SSBP2: variants seen among roughly 807,000 people sequenced by gnomAD.
SSBP2 encodes the protein single-stranded DNA-binding protein 2.
Under a neutral mutation model 61.8 loss-of-function variants are expected in SSBP2, and 17 were observed. That is an observed-to-expected ratio of 0.28 (90% CI 0.19 to 0.41). The LOEUF (loss-of-function observed/expected upper bound fraction) is 0.41. SSBP2 is among the 10% of genes least tolerant of loss of function. The probability of loss-of-function intolerance (pLI) is 1.00; values close to 1 mark genes in which losing one functional copy is unlikely to be tolerated. For synonymous variants in SSBP2, 139 were observed against 141.3 expected (o/e 0.98, Z 0.12); for missense variants, 310 against 458.7 (o/e 0.68, Z 2.96).
chr5:81,548,665 G>A (rs559773713), intron 4 of SSBP2, among the ~76,000 whole-genome samples: 2 of 152,186 alleles, frequency 1.3e-5, no homozygotes, highest in Non-Finnish European at 2.9e-5. Context: ...GCTCACGCCT[G>A]TAATCCCAGC....
chr5:81,451,487 C>T (rs573796261), intron 10 of SSBP2, among the ~76,000 whole-genome samples: 82 of 152,168 alleles, frequency 5.4e-4, no homozygotes, highest in African/African-American at 1.5e-3. Context: ...AGTGCAGTGG[C>T]GTGATCTAGG....
chr5:81,452,320 C>A (rs1018578267), intron 10 of SSBP2, among the ~76,000 whole-genome samples: 1 of 152,074 alleles, frequency 6.6e-6, no homozygotes, highest in Non-Finnish European at 1.5e-5. Flanking sequence ...ACAGACAGAG[C>A]CTCACTTTTT....
Position 81,461,029 on chromosome 5 carries a change from T to G in SSBP2, c.687+26A>C, listed in dbSNP as rs754683672. 4.6e-5 allele frequency: 58 copies of G among 1,269,906 alleles called. No individual in the cohort carries two copies. In the East Asian group the frequency reaches 8.1e-4, roughly 18 times the overall value. The allele number at this position is 1,269,906 out of a possible 1,614,324, so 78.7% of individuals were successfully genotyped here. A position where few individuals can be genotyped will look rare whatever the true frequency, so the allele number is the denominator to read the frequency against. ...TTAAATGTTACAAAATGCAAAATAT[T>G]AAAAAAAATATATATATATACTCAC... On this transcript the variant is annotated intron_variant, in intron 10 of 16. Coordinates refer to ENST00000320672, the MANE Select transcript of SSBP2 (RefSeq NM_012446.5).
chr5:81,529,998 T>A (rs1476896538), intron 4 of SSBP2, among the ~76,000 whole-genome samples: 1 of 151,716 alleles, frequency 6.6e-6, no homozygotes, highest in East Asian at 1.9e-4. Context: ...GACTGCCAGG[T>A]TAGGAAGAAA....
intron 12 of SSBP2, among the ~76,000 whole-genome samples, chr5:81,445,390 C>T: frequency 6.6e-6 from 1 of 151,346 alleles, no homozygotes. Flanking sequence ...TACTTATTGC[C>T]TGCAATGTTC....
At chr5:81,433,005 G>C (rs1348281093) in intron 15 of SSBP2, among the ~76,000 whole-genome samples, 1 of 149,226 alleles carries the variant, frequency 6.7e-6, no homozygotes, top group Non-Finnish European at 1.5e-5. Context: ...ACTCCCGCCC[G>C]GCCAGCCGCC....
Position 81,418,625 on chromosome 5 carries a change from A to C in SSBP2, c.*1879T>G, listed in dbSNP as rs1026979792. 2.0e-5 allele frequency: 3 copies of C among 152,206 alleles called. No homozygotes were observed. The highest frequency in any genetic ancestry group is 7.2e-5 in the African/African-American group (3 of 41,446). 9.4% of individuals were successfully genotyped at this position (152,206 alleles called of 1,614,324 possible). On this transcript the variant is annotated 3_prime_UTR_variant, in exon 17 of 17. Coordinates refer to ENST00000320672, the MANE Select transcript of SSBP2 (RefSeq NM_012446.5). ...GTACTTACACAAACCTAGATGGTATAGGCTCCTACACACCTAGGCTATATA... is the reference window on the plus strand; with the variant it reads ...GTACTTACACAAACCTAGATGGTATCGGCTCCTACACACCTAGGCTATATA...
At chr5:81,436,113 G>A (rs538952951) in intron 15 of SSBP2, among the ~76,000 whole-genome samples, 53 of 149,720 alleles carry the variant, frequency 3.5e-4, no homozygotes, top group African/African-American at 7.4e-5. Context: ...GCTTGAACCC[G>A]GGAAGGGGAG....
chr5:81,501,659 T>G (rs1580852308), intron 5 of SSBP2, among the ~76,000 whole-genome samples: 1 of 149,258 alleles, frequency 6.7e-6, no homozygotes, highest in Non-Finnish European at 1.5e-5. Context: ...GCCTCTCGGG[T>G]TCACGCCATT....
chr5:81,550,154 G>A (rs1157281634), intron 4 of SSBP2, among the ~76,000 whole-genome samples: 2 of 152,150 alleles, frequency 1.3e-5, no homozygotes, highest in East Asian at 1.9e-4. Flanking sequence ...TGCTGTACAC[G>A]AACGTTAATA....
chr5:81,529,125 C>T (rs1423752994), intron 4 of SSBP2, among the ~76,000 whole-genome samples: 1 of 150,468 alleles, frequency 6.6e-6, no homozygotes, highest in African/African-American at 2.4e-5. Context: ...TTGGTAGTAC[C>T]GAAAAAGAAA....
chr5:81,501,166 G>A (rs13176884), intron 5 of SSBP2, among the ~76,000 whole-genome samples: 7 of 134,054 alleles, frequency 5.2e-5, no homozygotes, highest in Admixed American at 4.8e-4. Flanking sequence ...AGCTGAGATC[G>A]CACCACTGTA....
intron 4 of SSBP2, among the ~76,000 whole-genome samples, chr5:81,587,443 C>T (rs923155045): frequency 2.0e-5 from 3 of 152,034 alleles, no homozygotes; most frequent in Admixed American, 2.0e-4. Flanking sequence ...AAAAAACTAC[C>T]GCTTGGGGTT....
intron 2 of SSBP2, among the ~76,000 whole-genome samples, chr5:81,639,386 C>T (rs1396297235): frequency 2.0e-5 from 3 of 152,074 alleles, no homozygotes; most frequent in Non-Finnish European, 4.4e-5. Context: ...TCATACAGTG[C>T]CTTTTCTAAG....
At chr5:81,499,005 T>C (rs1315582524) in intron 5 of SSBP2, among the ~76,000 whole-genome samples, 2 of 152,204 alleles carry the variant, frequency 1.3e-5, no homozygotes, top group African/African-American at 4.8e-5. Context: ...TTAATTTGTT[T>C]AGTTTCCTTT....
At chr5:81,591,590 T>A (rs578015726) in intron 4 of SSBP2, among the ~76,000 whole-genome samples, 147 of 151,644 alleles carry the variant, frequency 9.7e-4, no homozygotes, top group African/African-American at 3.2e-3. Context: ...ACAGAAACTG[T>A]GAGAGAAAAT....
chr5:81,745,367 A>G (rs570100987), intron 1 of SSBP2, among the ~76,000 whole-genome samples: 1 of 152,256 alleles, frequency 6.6e-6, no homozygotes, highest in South Asian at 2.1e-4. Context: ...AAAACCTTGC[A>G]TGAATACATG....
At chr5:81,437,847 TAA>T (rs1413971711) in intron 14 of SSBP2, 3 of 152,636 alleles carry the variant, frequency 2.0e-5, no homozygotes, top group Non-Finnish European at 4.4e-5. Flanking sequence ...GTAAATCTGA[TAA>T]AATATAAAAT....
rs200471540 is a variant in SSBP2, at chr5:81,745,192, CAGA to C, written c.62+5786_62+5788del. 3.4e-3 allele frequency among the ~76,000 whole-genome samples: 522 copies of C among 152,140 alleles called. 3 individuals carry two copies. The highest frequency in any genetic ancestry group is 0.012 in the African/African-American group (480 of 41,540). ...CTCACACAAAGAATAAAATAGGTTG[CAGA>C]AGAAGAGCCTCTGCTATTTCTCTAA... is the stretch of plus-strand genomic sequence containing the variant. On this transcript the variant is annotated intron_variant, in intron 1 of 16. Transcript: ENST00000320672.
Sources: allele counts gnomAD v4.1 joint callset (sites outside exome capture counted in the v4.1 genomes callset), GRCh38; gene constraint gnomAD v4.1.1; transcripts MANE v1.5; gene names NCBI Gene and HGNC (gene_info 2026-07-23, HGNC 2026-07-21).